TCF4: variants seen among roughly 807,000 people sequenced by gnomAD.
TCF4 encodes the protein transcription factor 4, also known as SL3-3 enhancer factor 2.
A neutral mutation model predicts 82.1 loss-of-function variants in TCF4; 3 were observed. The observed-to-expected ratio is 0.04, with a 90% CI of 0.02 to 0.09. The LOEUF (loss-of-function observed/expected upper bound fraction) is 0.09. Among genes scored for constraint, TCF4 ranks in the 10% least tolerant of loss-of-function variants. The pLI is 1.00. For missense variants in TCF4, 518 were observed against 852.7 expected, an observed-to-expected ratio of 0.61 and a Z score of 4.89; for synonymous variants, 276 against 309.6, an observed-to-expected ratio of 0.89 and a Z score of 1.14.
At chr18:55,267,536 A>G (rs1034239614) in intron 11 of TCF4, 1 of 152,112 alleles carries the variant, frequency 6.6e-6, no homozygotes, top group African/African-American at 2.4e-5. Context: ...TTATGCTTAA[A>G]TTTTCCTCTG....
chr18:55,558,114 C>A (rs925825715), intron 3 of TCF4, among the ~76,000 whole-genome samples: 5 of 151,740 alleles, frequency 3.3e-5, no homozygotes, highest in African/African-American at 1.2e-4. Flanking sequence ...CAGCAGGCGG[C>A]GGTAGGAGGA....
intron 3 of TCF4, among the ~76,000 whole-genome samples, chr18:55,571,412 T>C (rs997526477): frequency 7.2e-5 from 11 of 152,182 alleles, no homozygotes; most frequent in African/African-American, 2.4e-4. Flanking sequence ...AGAATGTTTC[T>C]CTCTGGCAGG....
At position 55,517,332 on chromosome 18, in the gene TCF4, A is replaced by G. The variant is rs2096892724; in HGVS notation, c.146-53195T>C. Among the ~76,000 whole-genome samples the G allele has an allele frequency of 3.3e-5, 5 of 152,192 alleles. No individual in the cohort carries two copies. The South Asian group carries it at 1.0e-3, about 31-fold the overall frequency. ...GCTATCCTCTGGAGGCCTAAACCAC[A>G]TGGAACAGAAGTGAGCCAATTCAGT... On this transcript the variant is annotated intron_variant, in intron 3 of 19. Transcript: ENST00000354452.
At chr18:55,474,052 A>G (rs2096241824) in intron 3 of TCF4, among the ~76,000 whole-genome samples, 1 of 152,218 alleles carries the variant, frequency 6.6e-6, no homozygotes, top group Non-Finnish European at 1.5e-5. Flanking sequence ...AAAAGAGGTA[A>G]ATTAGTATCA....
At chr18:55,458,295 T>C (rs186127623) in intron 5 of TCF4, among the ~76,000 whole-genome samples, 1 of 152,330 alleles carries the variant, frequency 6.6e-6, no homozygotes, top group East Asian at 1.9e-4. Context: ...TTTGTAGTTT[T>C]AACAAAAACC....
intron 8 of TCF4, chr18:55,320,769 T>G (rs970221645): frequency 1.3e-5 from 2 of 152,410 alleles, no homozygotes; most frequent in Non-Finnish European, 2.9e-5. Context: ...TCTTTTCTAT[T>G]TTAAAACAAT....
intron 3 of TCF4, among the ~76,000 whole-genome samples, chr18:55,489,533 G>A (rs367896279): frequency 2.0e-5 from 3 of 152,178 alleles, no homozygotes; most frequent in South Asian, 4.2e-4. Flanking sequence ...CCAGAGAACC[G>A]AGTGGTATAA....
chr18:55,391,347 A>C (rs2093070288), intron 6 of TCF4, among the ~76,000 whole-genome samples: 1 of 152,176 alleles, frequency 6.6e-6, no homozygotes, highest in African/African-American at 2.4e-5. Context: ...GTTTGTTTAC[A>C]ATTCATAATA....
intron 2 of TCF4, among the ~76,000 whole-genome samples, chr18:55,596,974 C>T (rs2097691578): frequency 6.6e-6 from 1 of 152,100 alleles, no homozygotes; most frequent in Admixed American, 6.6e-5. Flanking sequence ...GGGGCGGACT[C>T]CCCTTGCTGT....
rs749258385 is a variant in TCF4, at chr18:55,234,539, C to G, written c.1486+9G>C. ...TGAGGTCAGAAGTGCCCTGGTGAGG[C>G]CAACCTACCTCTGTAAGGGTCCTGG... On this transcript the variant is annotated intron_variant, in intron 16 of 19. Coordinates refer to ENST00000354452, the MANE Select transcript of TCF4 (RefSeq NM_001083962.2). 6.2e-7 allele frequency: 1 copy of G among 1,614,154 alleles called. No individual in the cohort carries two copies. Among genetic ancestry groups the G allele is most frequent in the Admixed American group, 1.7e-5 (1 of 60,018 alleles).
chr18:55,366,349 T>A (rs1468192388), intron 6 of TCF4, among the ~76,000 whole-genome samples: 2 of 152,244 alleles, frequency 1.3e-5, no homozygotes, highest in African/African-American at 2.4e-5. Context: ...GGTGTATCTA[T>A]TCATATGTTT....
intron 2 of TCF4, among the ~76,000 whole-genome samples, chr18:55,597,186 CTTCA>C: frequency 6.6e-6 from 1 of 152,240 alleles, no homozygotes; most frequent in African/African-American, 2.4e-5. Context: ...AACTTCTTTT[CTTCA>C]TAAATTACCC....
chr18:55,273,420 A>C (rs1423479613), intron 10 of TCF4, among the ~76,000 whole-genome samples: 4 of 152,164 alleles, frequency 2.6e-5, no homozygotes, highest in Admixed American at 2.6e-4. Context: ...GCTAAGAATA[A>C]AATTATAAGG....
chr18:55,587,688 C>G (rs1386200348), intron 1 of TCF4, among the ~76,000 whole-genome samples: 1 of 151,834 alleles, frequency 6.6e-6, no homozygotes, highest in East Asian at 1.9e-4. Flanking sequence ...AGTGAAAACA[C>G]GTCCAAAGGG....
At chr18:55,634,739 T>A (rs2097734671) in intron 1 of TCF4, among the ~76,000 whole-genome samples, 1 of 152,178 alleles carries the variant, frequency 6.6e-6, no homozygotes, top group Admixed American at 6.5e-5. Context: ...TGAGGGATAT[T>A]GAGCAAGAGG....
chr18:55,527,695 T>C (rs962286973), intron 3 of TCF4, among the ~76,000 whole-genome samples: 5 of 152,278 alleles, frequency 3.3e-5, no homozygotes, highest in South Asian at 2.1e-4. Context: ...ATCAAAGTTA[T>C]TGAAAAAGAG....
At chr18:55,360,359 T>C (rs1412101353) in intron 6 of TCF4, among the ~76,000 whole-genome samples, 10 of 152,182 alleles carry the variant, frequency 6.6e-5, no homozygotes, top group Non-Finnish European at 1.3e-4. Flanking sequence ...AACTTAAGAA[T>C]TGAATTAAAA....
At chr18:55,340,035 A>C (rs2079508856) in intron 8 of TCF4, among the ~76,000 whole-genome samples, 1 of 152,170 alleles carries the variant, frequency 6.6e-6, no homozygotes, top group African/African-American at 2.4e-5. Context: ...AGGCAAAGCT[A>C]ATATCTTAGG....
At chr18:55,356,760 TA>T (rs35499309) in intron 6 of TCF4, among the ~76,000 whole-genome samples, 1 of 151,994 alleles carries the variant, frequency 6.6e-6, no homozygotes. Context: ...AGCGTTGTTT[TA>T]AAAAAAATCT....
Sources: gnomAD v4.1 joint callset for allele counts (sites outside exome capture counted in the v4.1 genomes callset) on GRCh38, gnomAD v4.1.1 for gene constraint, MANE v1.5 for transcripts, NCBI Gene and HGNC (gene_info 2026-07-23, HGNC 2026-07-21) for gene names.